PTPRN2: variants seen among roughly 807,000 people sequenced by gnomAD.
PTPRN2 encodes protein tyrosine phosphatase receptor type N2, also known as receptor-type tyrosine-protein phosphatase N2.
A neutral mutation model predicts 118.8 loss-of-function variants in PTPRN2; 74 were observed. That is an observed-to-expected ratio of 0.62 (90% CI 0.52 to 0.76). The LOEUF (loss-of-function observed/expected upper bound fraction) is 0.76, where lower values mean the gene tolerates loss of function less well. Among genes scored for constraint, PTPRN2 ranks in the 30% least tolerant of loss-of-function variants. PTPRN2 has a pLI of 0.00. For synonymous variants in PTPRN2, 641 were observed against 608.0 expected, an observed-to-expected ratio of 1.05 and a Z score of -0.80; for missense variants, 1,481 against 1,394.4, an observed-to-expected ratio of 1.06 and a Z score of -0.99.
chr7:158,487,732 C>G (rs145142319), intron 2 of PTPRN2, among the ~76,000 whole-genome samples: 44 of 152,272 alleles, frequency 2.9e-4, no homozygotes, highest in African/African-American at 9.1e-4. Context: ...CTAAACCAGT[C>G]ACCATGGCAA....
intron 12 of PTPRN2, among the ~76,000 whole-genome samples, chr7:157,815,309 C>T (rs772051188): frequency 6.6e-6 from 1 of 152,268 alleles, no homozygotes; most frequent in Non-Finnish European, 1.5e-5. Flanking sequence ...AGGCCTGCGC[C>T]CTCCCATGGC....
intron 11 of PTPRN2, among the ~76,000 whole-genome samples, chr7:158,067,713 CAGAG>C (rs1337168621): frequency 5.3e-5 from 8 of 152,078 alleles, no homozygotes; most frequent in Non-Finnish European, 7.4e-5. Flanking sequence ...GAGCGAGTGA[CAGAG>C]TGAGTGAGTG....
intron 11 of PTPRN2, among the ~76,000 whole-genome samples, chr7:158,062,492 T>G (rs1286212858): frequency 6.6e-6 from 1 of 152,174 alleles, no homozygotes; most frequent in Non-Finnish European, 1.5e-5. Flanking sequence ...GCCCTTCAGC[T>G]CACTGCTGCA....
intron 14 of PTPRN2, among the ~76,000 whole-genome samples, chr7:157,626,168 C>T (rs1803557364): frequency 6.6e-6 from 1 of 152,190 alleles, no homozygotes; most frequent in Non-Finnish European, 1.5e-5. Flanking sequence ...GGGTTTTCTC[C>T]TGGCCCGTCA....
At chr7:157,839,400 G>A (rs796825312) in intron 12 of PTPRN2, among the ~76,000 whole-genome samples, 26 of 151,832 alleles carry the variant, frequency 1.7e-4, no homozygotes, top group African/African-American at 5.6e-4. Context: ...GAGTGTGTGT[G>A]GCGTGTGTTT....
chr7:157,566,407 C>T (rs542921946), intron 21 of PTPRN2, among the ~76,000 whole-genome samples: 10 of 152,362 alleles, frequency 6.6e-5, no homozygotes, highest in African/African-American at 1.9e-4. Context: ...GCCCAGCCTG[C>T]ACCAGAACAA....
intron 11 of PTPRN2, among the ~76,000 whole-genome samples, chr7:157,997,673 G>T (rs1180384748): frequency 6.6e-6 from 1 of 151,174 alleles, no homozygotes; most frequent in Non-Finnish European, 1.5e-5. Flanking sequence ...GAAAGAGGAG[G>T]CCAGGGAGGG....
At chr7:157,842,630 G>A (rs1254196810) in intron 12 of PTPRN2, among the ~76,000 whole-genome samples, 2 of 152,016 alleles carry the variant, frequency 1.3e-5, no homozygotes, top group African/African-American at 2.4e-5. Context: ...GGTCAGGCTG[G>A]TTTCGAACTC....
intron 6 of PTPRN2, among the ~76,000 whole-genome samples, chr7:158,148,279 C>G (rs1585625051): frequency 1.0e-4 from 3 of 28,850 alleles, no homozygotes; most frequent in East Asian, 1.1e-3. Flanking sequence ...TGTCTTTCCC[C>G]CTCAATGACA....
At chr7:158,006,861 T>C (rs1254017976) in intron 11 of PTPRN2, among the ~76,000 whole-genome samples, 1 of 152,178 alleles carries the variant, frequency 6.6e-6, no homozygotes, top group South Asian at 2.1e-4. Flanking sequence ...AGCTCCATCA[T>C]GCGGTCATGA....
chr7:157,742,979 A>G (rs2150965212), intron 12 of PTPRN2, among the ~76,000 whole-genome samples: 1 of 152,336 alleles, frequency 6.6e-6, no homozygotes, highest in East Asian at 1.9e-4. Flanking sequence ...GCATGATCCA[A>G]CCCAATGCTC....
intron 12 of PTPRN2, among the ~76,000 whole-genome samples, chr7:157,884,900 C>T (rs1416383888): frequency 1.3e-5 from 2 of 152,198 alleles, no homozygotes; most frequent in Non-Finnish European, 2.9e-5. Context: ...GCTCCTCCTG[C>T]TCTGTCTCAG....
intron 11 of PTPRN2, among the ~76,000 whole-genome samples, chr7:158,011,179 G>A (rs895117321): frequency 1.3e-5 from 2 of 152,336 alleles, no homozygotes; most frequent in African/African-American, 2.4e-5. Flanking sequence ...GGGTCTGTAC[G>A]TCATTGCTAA....
Position 157,550,025 on chromosome 7 carries a change from T to C in PTPRN2, c.2903-1006A>G, listed in dbSNP as rs1798515667. Among the ~76,000 whole-genome samples the C allele has an allele frequency of 6.6e-6, 1 of 152,182 alleles. No individual in the cohort carries two copies. The highest frequency in any genetic ancestry group is 1.5e-5 in the Non-Finnish European group (1 of 68,016). On this transcript the variant is annotated intron_variant, in intron 21 of 22. Coordinates refer to ENST00000389418, the MANE Select transcript of PTPRN2 (RefSeq NM_002847.5). This position sits in a 1 kb window ranked among gnomAD's most constrained non-coding sequence, Gnocchi z 5.2. ...AAGCCGCAGCCATTGGAACCCCAACTACCGTGGGCAGGACAGCGCTGGCCG... is the reference window on the plus strand; with the variant it reads ...AAGCCGCAGCCATTGGAACCCCAACCACCGTGGGCAGGACAGCGCTGGCCG...
At chr7:158,132,243 C>T (rs918625916) in intron 9 of PTPRN2, among the ~76,000 whole-genome samples, 18 of 151,270 alleles carry the variant, frequency 1.2e-4, no homozygotes, top group Non-Finnish European at 2.2e-4. Context: ...ATACGGATAA[C>T]ACATCTACCC....
intron 1 of PTPRN2, among the ~76,000 whole-genome samples, chr7:158,510,447 T>TCTCA (rs1453034831): frequency 7.5e-4 from 1 of 1,332 alleles, no homozygotes; most frequent in East Asian, 0.026. Context: ...GTGTTTACTC[T>TCTCA]CTCTCTCTCT....
chr7:157,592,323 A>G (rs935708717), intron 17 of PTPRN2, among the ~76,000 whole-genome samples: 1 of 152,266 alleles, frequency 6.6e-6, no homozygotes, highest in Non-Finnish European at 1.5e-5. Flanking sequence ...TGGGCACGCT[A>G]TGAGCCTCTG....
At chr7:157,980,622 G>A (rs939451377) in intron 11 of PTPRN2, among the ~76,000 whole-genome samples, 4 of 152,126 alleles carry the variant, frequency 2.6e-5, no homozygotes, top group African/African-American at 7.2e-5. Flanking sequence ...ATGGTGGCAC[G>A]TGCCTGTAGT....
At position 158,577,499 on chromosome 7, in the gene PTPRN2, C is replaced by G. The variant is rs1423278373; in HGVS notation, c.112+10059G>C. ...TGGGGCCTGCACAACACTGAGGGCTCCCCACCCTGCCTGATGCCACAAACA... is the reference window on the plus strand; with the variant it reads ...TGGGGCCTGCACAACACTGAGGGCTGCCCACCCTGCCTGATGCCACAAACA... On this transcript the variant is annotated intron_variant, in intron 1 of 22. Coordinates refer to ENST00000389418, the MANE Select transcript of PTPRN2 (RefSeq NM_002847.5). Among the ~76,000 whole-genome samples the G allele has an allele frequency of 8.6e-5, 12 of 140,206 alleles. 1 individual carries two copies. Among genetic ancestry groups the G allele is most frequent in the East Asian group, 2.2e-4 (1 of 4,470 alleles). The allele number at this position is 140,206 out of a possible 152,430, so 92.0% of individuals were successfully genotyped here. A position where few individuals can be genotyped will look rare whatever the true frequency, so the allele number is the denominator to read the frequency against.
Sources: gnomAD v4.1 joint callset for allele counts (sites outside exome capture counted in the v4.1 genomes callset) on GRCh38, gnomAD v4.1.1 for gene constraint, Gnocchi (gnomAD v3.1) non-coding constraint, MANE v1.5 for transcripts, NCBI Gene and HGNC (gene_info 2026-07-23, HGNC 2026-07-21) for gene names.